The following BCLAF1 variants were observed in gnomAD, a reference collection of about 807,000 sequenced individuals.
BCLAF1 encodes the protein BCL2 associated transcription factor 1.
BCLAF1 carries 10 observed loss-of-function variants against 99.5 expected under a neutral mutation model. That is an observed-to-expected ratio of 0.10 (90% CI 0.06 to 0.17). The LOEUF is 0.17. Among genes scored for constraint, BCLAF1 ranks in the 10% least tolerant of loss-of-function variants. The probability of loss-of-function intolerance (pLI) is 1.00; values close to 1 mark genes in which losing one functional copy is unlikely to be tolerated. For synonymous variants in BCLAF1, 255 were observed against 370.9 expected (o/e 0.69, Z 3.59); for missense variants, 636 against 1,105.8 (o/e 0.58, Z 6.02).
At chr6:136,261,172 C>A in intron 12 of BCLAF1, 57 bp from the exon 13 acceptor site, 1 of 1,562,752 alleles carries the variant, frequency 6.4e-7, no homozygotes, top group Non-Finnish European at 8.7e-7. Flanking sequence ...TGAAAAGGAA[C>A]CATATTAATA....
chr6:136,263,854 A>G (rs1262355490), intron 11 of BCLAF1, among the ~76,000 whole-genome samples: 6 of 152,190 alleles, frequency 3.9e-5, no homozygotes, highest in Non-Finnish European at 8.8e-5. Context: ...CTTTCCTGGA[A>G]TTTTTATTAT....
At chr6:136,284,071 C>T (rs1448083273) in intron 1 of BCLAF1, among the ~76,000 whole-genome samples, 3 of 148,784 alleles carry the variant, frequency 2.0e-5, no homozygotes, top group Non-Finnish European at 4.4e-5. Context: ...TAACACTTCC[C>T]TAAACAATTC....
At chr6:136,273,035 TC>T in intron 7 of BCLAF1, 46 bp downstream of exon 7, 1 of 1,420,256 alleles carries the variant, frequency 7.0e-7, no homozygotes, top group Non-Finnish European at 9.8e-7. Flanking sequence ...AACAGTGTCT[TC>T]CTATCAAAAC....
intron 1 of BCLAF1, among the ~76,000 whole-genome samples, chr6:136,284,130 G>GTGTATATATATATATATATATA (rs36141174): frequency 8.2e-6 from 1 of 122,118 alleles, no homozygotes; most frequent in African/African-American, 4.1e-5. Context: ...GTGTGTGTGT[G>GTGTATATATATATATATATATA]TATATATATA....
At chr6:136,281,767 T>C (rs1334491312) in intron 2 of BCLAF1, among the ~76,000 whole-genome samples, 1 of 152,212 alleles carries the variant, frequency 6.6e-6, no homozygotes, top group Non-Finnish European at 1.5e-5. Flanking sequence ...TGGTAATTTC[T>C]GTTAAAGGAT....
At chr6:136,266,325 T>C (rs1781709279) in intron 11 of BCLAF1, among the ~76,000 whole-genome samples, 1 of 152,086 alleles carries the variant, frequency 6.6e-6, no homozygotes, top group African/African-American at 2.4e-5. Context: ...TGAAAAGCCA[T>C]GACAAAAAAA....
At chr6:136,284,128 G>GTATATATATATATATATATA (rs1242722909) in intron 1 of BCLAF1, among the ~76,000 whole-genome samples, 43 of 81,326 alleles carry the variant, frequency 5.3e-4, no homozygotes, top group African/African-American at 1.8e-3. Context: ...GTGTGTGTGT[G>GTATATATATATATATATATA]TGTATATATA....
At chr6:136,279,262 AATGG>A (rs1784037142) in intron 3 of BCLAF1, among the ~76,000 whole-genome samples, 1 of 152,194 alleles carries the variant, frequency 6.6e-6, no homozygotes. Flanking sequence ...ATTAATTCTT[AATGG>A]TATTATGGTC....
chr6:136,268,068 A>T (rs562696241), intron 10 of BCLAF1, 94 bp downstream of exon 10: 67 of 1,185,268 alleles, frequency 5.7e-5, no homozygotes, highest in Non-Finnish European at 7.3e-5. Context: ...AATGACACAC[A>T]TAACAATCTC....
intron 1 of BCLAF1, among the ~76,000 whole-genome samples, chr6:136,288,011 T>A (rs1031852779): frequency 6.6e-6 from 1 of 152,116 alleles, no homozygotes; most frequent in East Asian, 1.9e-4. Context: ...CAGAGCGACA[T>A]TCCGTCTCAA....
intron 6 of BCLAF1, 41 bp from the exon 7 acceptor site, chr6:136,273,228 A>G (rs764628930): frequency 6.5e-7 from 1 of 1,538,456 alleles, no homozygotes; most frequent in Non-Finnish European, 8.9e-7. Flanking sequence ...AGTTAACTTT[A>G]CTTTAAGAGA....
chr6:136,273,042 A>C (rs372179908), intron 7 of BCLAF1, 40 bp downstream of exon 7: 24 of 1,508,504 alleles, frequency 1.6e-5, no homozygotes, highest in Non-Finnish European at 2.1e-5. Context: ...TCTTCCTATC[A>C]AAACAACGTT....
intron 6 of BCLAF1, among the ~76,000 whole-genome samples, chr6:136,275,280 G>A (rs867720718): frequency 6.6e-6 from 1 of 152,020 alleles, no homozygotes; most frequent in Admixed American, 6.6e-5. Context: ...TCTACATCAT[G>A]TTCTACCATG....
chr6:136,266,764 T>C (rs1231674541), intron 11 of BCLAF1, among the ~76,000 whole-genome samples: 1 of 152,112 alleles, frequency 6.6e-6, no homozygotes, highest in Admixed American at 6.6e-5. Context: ...TATAATATAA[T>C]GTTTTTCTCT....
intron 6 of BCLAF1, chr6:136,273,439 G>C: frequency 2.7e-6 from 1 of 371,238 alleles, no homozygotes; most frequent in Non-Finnish European, 4.9e-6. Context: ...TAAATCAAGA[G>C]TCTCTAATTC....
rs1378301362 is a variant in BCLAF1, at chr6:136,285,970, C to T, written c.-114-3283G>A. ...AAAATCAGCCAGGCGTGGTGGTGCA[C>T]GCCCATAGTCCCAAGGTACTCCAGA... On this transcript the variant is annotated intron_variant, in intron 1 of 12. Coordinates refer to ENST00000531224, the MANE Select transcript of BCLAF1 (RefSeq NM_014739.3). Among the ~76,000 whole-genome samples, 4 of 152,124 alleles carry T rather than the reference C, an allele frequency of 2.6e-5. No individual in the cohort carries two copies. In the East Asian group the frequency reaches 7.7e-4, roughly 29 times the overall value.
rs536880763 is a variant in BCLAF1 at position 136,282,210 on chromosome 6, T to A, written c.-11+374A>T. Among the ~76,000 whole-genome samples, 4 of 152,224 alleles carry A rather than the reference T, an allele frequency of 2.6e-5. No individual in the cohort carries two copies. In the East Asian group the frequency reaches 7.7e-4, roughly 29 times the overall value. The stretch of plus-strand genomic sequence containing the variant: ...TGATGAACTTAATTCACTTAATACA[T>A]CTAACACATTAGCAATCAATTTGAA... On this transcript the variant is annotated intron_variant, in intron 2 of 12. Transcript: ENST00000531224.
chr6:136,262,848 G>A (rs992278696), intron 11 of BCLAF1, among the ~76,000 whole-genome samples: 3 of 152,036 alleles, frequency 2.0e-5, no homozygotes, highest in African/African-American at 7.2e-5. Context: ...AATACACCAT[G>A]GATTCTGGGA....
intron 8 of BCLAF1, among the ~76,000 whole-genome samples, chr6:136,270,682 A>G (rs372547841): frequency 2.6e-5 from 4 of 151,990 alleles, no homozygotes. Flanking sequence ...CAAACGATAT[A>G]TACATAATTA....
Sources: gnomAD v4.1 joint callset for allele counts (sites outside exome capture counted in the v4.1 genomes callset) on GRCh38, gnomAD v4.1.1 for gene constraint, MANE v1.5 for transcripts, NCBI Gene and HGNC (gene_info 2026-07-23, HGNC 2026-07-21) for gene names.